The following MYO1D variants were observed in gnomAD, a reference collection of about 807,000 sequenced individuals.
MYO1D encodes the protein unconventional myosin-Id.
MYO1D carries 83 observed loss-of-function variants against 122.0 expected under a neutral mutation model. The ratio of observed to expected loss-of-function variants is 0.68; its 90% CI spans 0.57 to 0.82. The LOEUF (loss-of-function observed/expected upper bound fraction) is 0.82. MYO1D is among the 40% of genes least tolerant of loss of function. The pLI, the probability that MYO1D is intolerant of heterozygous loss-of-function variation, is 0.00. For synonymous variants in MYO1D, 464 were observed against 446.9 expected (o/e 1.04, Z -0.48); for missense variants, 1,157 against 1,269.5 (o/e 0.91, Z 1.35).
rs576503508 is a variant in MYO1D, at chr17:32,690,017, C to T, written c.2121+21971G>A. Among the ~76,000 whole-genome samples the T allele has an allele frequency of 5.3e-5, 8 of 152,192 alleles. No homozygotes were observed. In the East Asian group the frequency reaches 5.8e-4, roughly 11 times the overall value. ...TTGGGATTATAGGCATAAGCTACTG[C>T]GCCTGGCCCATAGTTTTCTATTGTA... On this transcript the variant is annotated intron_variant, in intron 16 of 21. Coordinates refer to ENST00000318217, the MANE Select transcript of MYO1D (RefSeq NM_015194.3).
chr17:32,781,290 T>G (rs534756305), intron 1 of MYO1D, among the ~76,000 whole-genome samples: 2 of 152,364 alleles, frequency 1.3e-5, no homozygotes, highest in Admixed American at 1.3e-4. Context: ...GAGACACTTC[T>G]GCTCTAAATC....
chr17:32,504,191 A>T (rs1180357516), intron 21 of MYO1D, among the ~76,000 whole-genome samples: 1 of 152,150 alleles, frequency 6.6e-6, no homozygotes. Flanking sequence ...CTGCCTCTCC[A>T]CAGCACTGAA....
At chr17:32,686,114 G>C (rs2089002005) in intron 16 of MYO1D, 1 of 151,752 alleles carries the variant, frequency 6.6e-6, no homozygotes, top group Non-Finnish European at 1.5e-5. Context: ...CTGTGGAAGG[G>C]GGAAAAAAAA....
intron 16 of MYO1D, among the ~76,000 whole-genome samples, chr17:32,677,118 T>C (rs2088822811): frequency 6.6e-6 from 1 of 152,282 alleles, no homozygotes; most frequent in African/African-American, 2.4e-5. Flanking sequence ...CCAGAAGTTT[T>C]AAATTTTTAC....
At chr17:32,814,255 A>G (rs2090595683) in intron 1 of MYO1D, among the ~76,000 whole-genome samples, 1 of 152,146 alleles carries the variant, frequency 6.6e-6, no homozygotes, top group South Asian at 2.1e-4. Context: ...GAGGCAGGAG[A>G]ATCACCTGAA....
At chr17:32,666,261 C>A (rs143366097) in intron 16 of MYO1D, among the ~76,000 whole-genome samples, 6 of 152,300 alleles carry the variant, frequency 3.9e-5, no homozygotes, top group African/African-American at 1.4e-4. Context: ...ACAGTCAGAA[C>A]AAGGCAAACT....
intron 2 of MYO1D, 150 bp from the exon 3 acceptor site, chr17:32,778,723 T>C (rs2090205640): frequency 2.9e-6 from 2 of 683,968 alleles, no homozygotes; most frequent in Non-Finnish European, 5.0e-6. Context: ...TTTGAGTTAT[T>C]TCGTCCTGCC....
Position 32,659,311 on chromosome 17 carries a change from G to T in MYO1D, c.2149C>A (p.Arg717=). The change falls in exon 17 of 22, where the codon CGG becomes AGG. Residue 717 remains arginine (R), a synonymous_variant. Transcript: ENST00000318217. Reference sequence around the variant, plus strand: ...AGAGCTGCCTTGGTTCTTTTGTACCGCATGCGGGCCAGGGTGCCCCGCCAC... The same window carrying T: ...AGAGCTGCCTTGGTTCTTTTGTACCTCATGCGGGCCAGGGTGCCCCGCCAC... The part of the protein sequence containing the change: ...KVWRGTLARM[R]YKRTKAALTI... 6.2e-7 allele frequency: 1 copy of T among 1,614,108 alleles called. No individual in the cohort carries two copies. The highest frequency in any genetic ancestry group is 1.1e-5 in the South Asian group (1 of 91,076).
intron 16 of MYO1D, among the ~76,000 whole-genome samples, chr17:32,665,206 G>A (rs1031243619): frequency 1.6e-4 from 21 of 135,430 alleles, no homozygotes; most frequent in African/African-American, 5.2e-4. Context: ...CCACCTCCCC[G>A]CCCCCCGACC....
At chr17:32,764,841 T>A in intron 8 of MYO1D, 37 bp downstream of exon 8, 9 of 1,605,322 alleles carry the variant, frequency 5.6e-6, no homozygotes, top group Non-Finnish European at 7.7e-6. Flanking sequence ...GCAACTGCGA[T>A]CAACACCAGG....
chr17:32,595,043 G>C (rs2087478067), intron 21 of MYO1D, among the ~76,000 whole-genome samples: 1 of 152,126 alleles, frequency 6.6e-6, no homozygotes. Context: ...TTAATATCTT[G>C]AAATGCCTCC....
intron 16 of MYO1D, among the ~76,000 whole-genome samples, chr17:32,675,799 G>A (rs2172559): frequency 0.61 from 92,738 of 151,928 alleles, 29,850 homozygotes; most frequent in East Asian, 0.74. Context: ...ATGGTATACT[G>A]CCATACAGAG....
chr17:32,655,777 A>G (rs1164414495), intron 17 of MYO1D, among the ~76,000 whole-genome samples: 1 of 152,222 alleles, frequency 6.6e-6, no homozygotes, highest in African/African-American at 2.4e-5. Flanking sequence ...GACCTGACTC[A>G]TGCTTTAAAA....
chr17:32,682,831 TC>T (rs1567946799), intron 16 of MYO1D, among the ~76,000 whole-genome samples: 1 of 117,446 alleles, frequency 8.5e-6, no homozygotes, highest in Non-Finnish European at 1.7e-5. Flanking sequence ...CTGGATAATA[TC>T]CTGCAGAGTG....
chr17:32,567,157 T>C (rs2087181614), intron 21 of MYO1D, among the ~76,000 whole-genome samples: 1 of 151,966 alleles, frequency 6.6e-6, no homozygotes, highest in Non-Finnish European at 1.5e-5. Flanking sequence ...AGTCAATAAA[T>C]TGAGCAGGAA....
chr17:32,680,829 C>T (rs2088903495), intron 16 of MYO1D, among the ~76,000 whole-genome samples: 1 of 152,128 alleles, frequency 6.6e-6, no homozygotes, highest in Admixed American at 6.6e-5. Flanking sequence ...AGGAATGGTA[C>T]CAGTTCCTCC....
chr17:32,580,976 A>G (rs1158678478), intron 21 of MYO1D, among the ~76,000 whole-genome samples: 2 of 152,188 alleles, frequency 1.3e-5, no homozygotes, highest in Non-Finnish European at 2.9e-5. Context: ...AATGAGCTGG[A>G]AAGCATTATC....
chr17:32,844,223 T>A (rs912947450), intron 1 of MYO1D, among the ~76,000 whole-genome samples: 6 of 147,626 alleles, frequency 4.1e-5, no homozygotes, highest in African/African-American at 1.5e-4. Flanking sequence ...GTTCTTAATA[T>A]GTATATATCA....
intron 21 of MYO1D, among the ~76,000 whole-genome samples, chr17:32,545,061 A>G (rs2086954686): frequency 6.6e-6 from 1 of 152,148 alleles, no homozygotes; most frequent in Non-Finnish European, 1.5e-5. Flanking sequence ...GGGAGGAGGC[A>G]TCTCTTCCCC....
Sources: gnomAD v4.1 joint callset for allele counts (sites outside exome capture counted in the v4.1 genomes callset) on GRCh38, gnomAD v4.1.1 for gene constraint, MANE v1.5 for transcripts, NCBI Gene and HGNC (gene_info 2026-07-23, HGNC 2026-07-21) for gene names.